The following ITIH5 variants were observed in gnomAD, a reference collection of about 807,000 sequenced individuals.
The protein encoded by ITIH5 is inter-alpha-trypsin inhibitor heavy chain H5.
A neutral mutation model predicts 77.5 loss-of-function variants in ITIH5; 65 were observed. The observed-to-expected ratio is 0.84, with a 90% confidence interval of 0.69 to 1.03. The LOEUF (loss-of-function observed/expected upper bound fraction) is 1.03, where lower values mean the gene tolerates loss of function less well. Among genes scored for constraint, ITIH5 ranks in the 50% least tolerant of loss-of-function variants. The pLI, the probability that ITIH5 is intolerant of heterozygous loss-of-function variation, is 0.00. For missense variants in ITIH5, 1,208 were observed against 1,213.1 expected, an observed-to-expected ratio of 1.00 and a Z score of 0.06; for synonymous variants, 525 against 494.3, an observed-to-expected ratio of 1.06 and a Z score of -0.82.
chr10:7,576,649 A>G lies in ITIH5; in HGVS notation c.1782T>C (p.Asp594=), dbSNP rs1195448795. 5 of 1,614,186 alleles carry G rather than the reference A, an allele frequency of 3.1e-6. No homozygotes were observed. Among genetic ancestry groups the G allele is most frequent in the Middle Eastern group, 1.6e-4 (1 of 6,062 alleles). Residue 594 remains aspartate, a synonymous_variant, in exon 10 of 14, where the codon GAT becomes GAC. Transcript: ENST00000397146. ...GCCGCAGCCGCTCCTTCTCCGGTTC[A>G]TCGTCACTTTGCAGCCAGGAGCTCA... ...ELLSSWLQSD[D]EPEKERLRQR...
intron 7 of ITIH5, among the ~76,000 whole-genome samples, chr10:7,597,323 C>T (rs892884080): frequency 7.9e-5 from 12 of 152,066 alleles, no homozygotes; most frequent in Admixed American, 6.5e-5. Flanking sequence ...CCTCAGTGCC[C>T]CTTGGTGGGT....
intron 5 of ITIH5, chr10:7,617,954 AT>A (rs942537031): frequency 6.6e-6 from 1 of 150,640 alleles, no homozygotes; most frequent in Non-Finnish European, 1.5e-5. Context: ...ATCGCTGGTC[AT>A]TTGTCCTATG....
chr10:7,604,481 G>T (rs968737504), intron 7 of ITIH5, among the ~76,000 whole-genome samples: 1 of 152,144 alleles, frequency 6.6e-6, no homozygotes, highest in African/African-American at 2.4e-5. Flanking sequence ...TTCCTTCTCC[G>T]TCCTCTTTTC....
chr10:7,567,354 T>TATTATTATA (rs1185661597), intron 12 of ITIH5, among the ~76,000 whole-genome samples: 1 of 148,252 alleles, frequency 6.7e-6, no homozygotes, highest in Non-Finnish European at 1.5e-5. Context: ...TTATTATTAT[T>TATTATTATA]ATACTTTAGG....
intron 7 of ITIH5, among the ~76,000 whole-genome samples, chr10:7,608,271 C>A (rs546906594): frequency 6.6e-6 from 1 of 152,106 alleles, no homozygotes; most frequent in Non-Finnish European, 1.5e-5. Flanking sequence ...CTTTGATCTC[C>A]GTCGTTTAAT....
At chr10:7,604,350 C>G (rs1264280830) in intron 7 of ITIH5, among the ~76,000 whole-genome samples, 7 of 152,170 alleles carry the variant, frequency 4.6e-5, no homozygotes, top group Non-Finnish European at 1.0e-4. Context: ...TTCAACCCCC[C>G]ACCTCAGAGC....
intron 13 of ITIH5, among the ~76,000 whole-genome samples, chr10:7,564,624 G>A (rs1448611369): frequency 6.6e-6 from 1 of 151,944 alleles, no homozygotes; most frequent in Non-Finnish European, 1.5e-5. Context: ...TATCTAGAGA[G>A]GTTTGTGTAA....
chr10:7,580,828 G>A (rs372692471), intron 8 of ITIH5, among the ~76,000 whole-genome samples: 36 of 152,288 alleles, frequency 2.4e-4, no homozygotes, highest in South Asian at 1.5e-3. Context: ...TGCCTTCATC[G>A]TCTCTCCTTT....
intron 11 of ITIH5, chr10:7,572,091 C>A (rs1564235777): frequency 9.7e-7 from 1 of 1,034,368 alleles, no homozygotes; most frequent in Non-Finnish European, 1.2e-6. Flanking sequence ...CAAGAGGAAG[C>A]TTTTCTGGCA....
Position 7,573,718 on chromosome 10 carries a change from C to T in ITIH5, c.1979-523G>A, listed in dbSNP as rs986239832. On this transcript the variant is annotated intron_variant, in intron 10 of 13. Coordinates refer to ENST00000397146, the MANE Select transcript of ITIH5 (RefSeq NM_030569.7). The stretch of plus-strand genomic sequence containing the variant: ...AAAAAAAAGAATAGAATAGAAACTA[C>T]ACAAGTGGAATGTAAAGTGTGTAGG... Among the ~76,000 whole-genome samples, 76 of 148,408 alleles carry T rather than the reference C, an allele frequency of 5.1e-4. 2 individuals carry two copies. The highest frequency in any genetic ancestry group is 1.3e-4 in the Admixed American group (2 of 14,884).
chr10:7,655,609 G>A (rs1318568536), intron 2 of ITIH5, 22 bp downstream of exon 2: 2 of 1,593,918 alleles, frequency 1.3e-6, no homozygotes, highest in East Asian at 2.2e-5. Flanking sequence ...GGACTTTCAA[G>A]ATGCACCATG....
At chr10:7,607,815 G>A (rs990858912) in intron 7 of ITIH5, among the ~76,000 whole-genome samples, 1 of 151,942 alleles carries the variant, frequency 6.6e-6, no homozygotes, top group African/African-American at 2.4e-5. Context: ...GCTCAGTCTC[G>A]AAAGAAGAAA....
At chr10:7,608,686 C>T (rs764901265) in intron 7 of ITIH5, among the ~76,000 whole-genome samples, 1 of 152,170 alleles carries the variant, frequency 6.6e-6, no homozygotes, top group Non-Finnish European at 1.5e-5. Context: ...CCCAGCTTGC[C>T]CGAGCCACTT....
intron 7 of ITIH5, chr10:7,609,330 T>C (rs1833194255): frequency 5.0e-6 from 2 of 399,490 alleles, no homozygotes; most frequent in Non-Finnish European, 9.9e-6. Flanking sequence ...CAAATGTCAT[T>C]ACCCACTGTC....
At chr10:7,565,970 T>C in intron 13 of ITIH5, 60 bp downstream of exon 13, 1 of 1,551,346 alleles carries the variant, frequency 6.4e-7, no homozygotes, top group Non-Finnish European at 8.7e-7. Flanking sequence ...AATATCAGCT[T>C]TGCTTGGGAA....
intron 2 of ITIH5, among the ~76,000 whole-genome samples, chr10:7,650,923 G>A (rs1327821935): frequency 6.6e-6 from 1 of 151,982 alleles, no homozygotes; most frequent in Admixed American, 6.6e-5. Context: ...TTATATTTAG[G>A]GGAGAAGGAA....
Position 7,585,965 on chromosome 10 carries a change from T to A in ITIH5, c.1044A>T (p.Ile348=). The change falls in exon 8 of 14, where the codon ATA becomes ATT. Residue 348 remains isoleucine (I), a synonymous_variant. Coordinates refer to ENST00000397146, the MANE Select transcript of ITIH5 (RefSeq NM_030569.7). ...NRIKVWKDHL[I]SVTPDSIRDG... is the part of the protein sequence containing the mutation. The stretch of plus-strand genomic sequence containing the variant: ...CCCTGATGCTGTCTGGAGTGACTGA[T>A]ATCAAGTGGTCCTTCCATACTTTGA... 1.2e-6 allele frequency: 2 copies of A among 1,614,142 alleles called. No homozygotes were observed. Among genetic ancestry groups the A allele is most frequent in the Non-Finnish European group, 1.7e-6 (2 of 1,180,010 alleles).
chr10:7,635,960 A>G (rs1365301113), intron 5 of ITIH5, among the ~76,000 whole-genome samples: 1 of 151,624 alleles, frequency 6.6e-6, no homozygotes, highest in African/African-American at 2.4e-5. Flanking sequence ...CCATTTCTCC[A>G]CTCTCAATGT....
chr10:7,664,529 C>A (rs181951228), intron 1 of ITIH5, among the ~76,000 whole-genome samples: 1 of 152,252 alleles, frequency 6.6e-6, no homozygotes, highest in East Asian at 1.9e-4. Flanking sequence ...TAATGAACAC[C>A]CCAAGTGACT....
Sources: allele counts gnomAD v4.1 joint callset (sites outside exome capture counted in the v4.1 genomes callset), GRCh38; gene constraint gnomAD v4.1.1; transcripts MANE v1.5; gene names NCBI Gene and HGNC (gene_info 2026-07-23, HGNC 2026-07-21).